Variants in KCNQ1 observed in about 807,000 individuals in gnomAD.
The protein encoded by KCNQ1 is potassium voltage-gated channel subfamily Q member 1, also known as potassium voltage-gated channel subfamily KQT member 1.
Under a neutral mutation model 72.4 loss-of-function variants are expected in KCNQ1, and 49 were observed. That is an observed-to-expected ratio of 0.68 (90% CI 0.54 to 0.86). KCNQ1 has a LOEUF of 0.86. KCNQ1 is among the 40% of genes least tolerant of loss of function. KCNQ1 has a pLI of 0.00. For missense variants in KCNQ1, 790 were observed against 945.1 expected, an observed-to-expected ratio of 0.84 and a Z score of 2.15; for synonymous variants, 450 against 412.6, an observed-to-expected ratio of 1.09 and a Z score of -1.10.
Position 2,637,036 on chromosome 11 carries a change from C to T in KCNQ1, c.1394-24925C>T, listed in dbSNP as rs1849481770. The T allele has an allele frequency of 2.6e-5, 4 of 152,222 alleles. 1 individual carries two copies. The East Asian group carries it at 7.7e-4, about 29-fold the overall frequency. 9.4% of individuals were successfully genotyped at this position (152,222 alleles called of 1,614,324 possible). ...TCTGTGGGATCGGTGGTGATATCCCCTTTATCATTTTTTATTGCATCTATT... is the reference window on the plus strand; with the variant it reads ...TCTGTGGGATCGGTGGTGATATCCCTTTTATCATTTTTTATTGCATCTATT... On this transcript the variant is annotated intron_variant, in intron 10 of 15. Coordinates refer to ENST00000155840, the MANE Select transcript of KCNQ1 (RefSeq NM_000218.3).
intron 15 of KCNQ1, among the ~76,000 whole-genome samples, chr11:2,846,403 G>A (rs1440868330): frequency 6.6e-6 from 1 of 152,172 alleles, no homozygotes; most frequent in Admixed American, 6.5e-5. Context: ...CCACGGTGGG[G>A]GAGGGTCTAC....
rs184516288 is a variant in KCNQ1, at chr11:2,571,423, T to A, written c.683+20T>A. On this transcript the variant is annotated intron_variant, in intron 4 of 15. Transcript: ENST00000155840. The stretch of plus-strand genomic sequence containing the variant: ...CATCAGGTGCGTCTGTGCCACAAGC[T>A]CCCCCCGCCATGCCGCCCCACCCCG... 6.4e-7 allele frequency: 1 copy of A among 1,573,152 alleles called. No homozygotes were observed. The highest frequency in any genetic ancestry group is 1.4e-5 in the African/African-American group (1 of 73,692).
intron 1 of KCNQ1, among the ~76,000 whole-genome samples, chr11:2,506,842 C>T (rs1847113002): frequency 6.6e-6 from 1 of 152,200 alleles, no homozygotes; most frequent in Admixed American, 6.5e-5. Context: ...AATGTTTTCC[C>T]TGTGTCTAAA....
At chr11:2,793,190 G>T (rs1590091393) in intron 15 of KCNQ1, among the ~76,000 whole-genome samples, 2 of 152,216 alleles carry the variant, frequency 1.3e-5, no homozygotes, top group African/African-American at 4.8e-5. Context: ...GGGTGCACCC[G>T]ACAAACACAA....
intron 1 of KCNQ1, among the ~76,000 whole-genome samples, chr11:2,510,421 A>G (rs1256700387): frequency 1.3e-5 from 2 of 152,170 alleles, no homozygotes; most frequent in Non-Finnish European, 2.9e-5. Flanking sequence ...TGCCTGGGCA[A>G]CATGGTGAAA....
At position 2,711,562 on chromosome 11, in the gene KCNQ1, C is replaced by A. The variant is rs1851007227; in HGVS notation, c.1514+49481C>A. 6.6e-6 allele frequency among the ~76,000 whole-genome samples: 1 copy of A among 152,088 alleles called. No homozygotes were observed. On this transcript the variant is annotated intron_variant, in intron 11 of 15. Coordinates refer to ENST00000155840, the MANE Select transcript of KCNQ1 (RefSeq NM_000218.3). The surrounding 1 kb of genome is among the most constrained non-coding windows in gnomAD (Gnocchi z 5.4). Reference sequence around the variant, plus strand: ...CTGCCCAGAACGGGGCTCTCGGAGGCCAGGGTGACTCCACTATCCCACCAA... The same window carrying A: ...CTGCCCAGAACGGGGCTCTCGGAGGACAGGGTGACTCCACTATCCCACCAA...
chr11:2,601,673 G>A lies in KCNQ1; in HGVS notation c.1393+12819G>A, dbSNP rs992049581. ...ACGTAAATGGAATCACACAATACAC[G>A]ATATCTTAGAAACGGGGTCTTTTGG... On this transcript the variant is annotated intron_variant, in intron 10 of 15. Coordinates refer to ENST00000155840, the MANE Select transcript of KCNQ1 (RefSeq NM_000218.3). The surrounding 1 kb of genome is among the most constrained non-coding windows in gnomAD (Gnocchi z 5.2). Among the ~76,000 whole-genome samples, 3 of 152,168 alleles carry A rather than the reference G, an allele frequency of 2.0e-5. No homozygotes were observed. The highest frequency in any genetic ancestry group is 2.9e-5 in the Non-Finnish European group (2 of 68,032).
intron 11 of KCNQ1, among the ~76,000 whole-genome samples, chr11:2,756,441 T>TAAAAAAAAAAAA (rs59499292): frequency 4.4e-5 from 6 of 137,234 alleles, no homozygotes; most frequent in African/African-American, 5.3e-5. Flanking sequence ...TTACTAAAAT[T>TAAAAAAAAAAAA]AAAAAAAAAA....
rs1247678722 is a variant in KCNQ1 at position 2,491,645 on chromosome 11, T to C, written c.387-36283T>C. Among the ~76,000 whole-genome samples the C allele has an allele frequency of 6.6e-6, 1 of 151,876 alleles. No homozygotes were observed. The highest frequency in any genetic ancestry group is 1.5e-5 in the Non-Finnish European group (1 of 67,980). On this transcript the variant is annotated intron_variant, in intron 1 of 15. Transcript: ENST00000155840. The surrounding 1 kb of genome is among the most constrained non-coding windows in gnomAD (Gnocchi z 4.1). ...GAGGAGGTAGAGAAAGAGATAGGGG[T>C]AGAAAGCTTATTCAAAGGGATACTA...
intron 7 of KCNQ1, among the ~76,000 whole-genome samples, chr11:2,584,545 T>TTGTGTTTG (rs1848561678): frequency 1.6e-5 from 2 of 125,016 alleles, no homozygotes; most frequent in African/African-American, 6.4e-5. Flanking sequence ...TAGTATGTGT[T>TTGTGTTTG]TGTGTTAGTG....
chr11:2,474,649 G>A (rs953849052), intron 1 of KCNQ1, among the ~76,000 whole-genome samples: 3 of 151,764 alleles, frequency 2.0e-5, no homozygotes, highest in South Asian at 2.1e-4. Flanking sequence ...AGGCCCTTGC[G>A]TCAGAGTGTT....
chr11:2,493,528 A>G lies in KCNQ1; in HGVS notation c.387-34400A>G, dbSNP rs1006561096. ...AATCATCTTGAGTTAATTTTTATAT[A>G]AGTTGTAAGGAAGGGGTCCAGTTTC... On this transcript the variant is annotated intron_variant, in intron 1 of 15. Transcript: ENST00000155840. The surrounding 1 kb of genome is among the most constrained non-coding windows in gnomAD (Gnocchi z 5.3). Among the ~76,000 whole-genome samples, 1 of 152,162 alleles carries G rather than the reference A, an allele frequency of 6.6e-6. No homozygotes were observed. The highest frequency in any genetic ancestry group is 2.4e-5 in the African/African-American group (1 of 41,438).
intron 10 of KCNQ1, chr11:2,660,963 C>G (rs770401126): frequency 1.0e-5 from 4 of 398,510 alleles, no homozygotes; most frequent in African/African-American, 8.2e-5. Context: ...TGTGGCCAAT[C>G]TAAACTGTGG....
At position 2,697,913 on chromosome 11, in the gene KCNQ1, C is replaced by G. The variant is rs190428849; in HGVS notation, c.1514+35832C>G. The G allele has an allele frequency of 5.2e-4, 209 of 398,536 alleles. 1 individual carries two copies. Among genetic ancestry groups the G allele is most frequent in the African/African-American group, 3.8e-3 (186 of 48,714 alleles). The allele number at this position is 398,536 out of a possible 1,614,324, so 24.7% of individuals were successfully genotyped here. A position where few individuals can be genotyped will look rare whatever the true frequency, so the allele number is the denominator to read the frequency against. ...CTGGAGCATAAATCCTGAAACAGAC[C>G]CACTTTTCTCCTCAGCATGTTAGGA... On this transcript the variant is annotated intron_variant, in intron 11 of 15. Transcript: ENST00000155840.
At chr11:2,650,313 T>C (rs1348723455) in intron 10 of KCNQ1, 1 of 398,508 alleles carries the variant, frequency 2.5e-6, no homozygotes, top group African/African-American at 2.1e-5. Context: ...AAGTCATGTT[T>C]TCTTGTTTTT....
In KCNQ1 at chr11:2,547,685, G is replaced by A. The variant is rs1297450002; in HGVS notation, c.477+19667G>A. On this transcript the variant is annotated intron_variant, in intron 2 of 15. Coordinates refer to ENST00000155840, the MANE Select transcript of KCNQ1 (RefSeq NM_000218.3). This position sits in a 1 kb window ranked among gnomAD's most constrained non-coding sequence, Gnocchi z 4.2. ...GTGCCTATACCACAAACAATAAGCTGACTCCATTTCCATCTTTTATAAGTT... is the reference window on the plus strand; with the variant it reads ...GTGCCTATACCACAAACAATAAGCTAACTCCATTTCCATCTTTTATAAGTT... Among the ~76,000 whole-genome samples the A allele has an allele frequency of 2.6e-5, 4 of 152,162 alleles. No homozygotes were observed. The highest frequency in any genetic ancestry group is 5.9e-5 in the Non-Finnish European group (4 of 68,042).
At position 2,777,064 on chromosome 11, in the gene KCNQ1, G is replaced by A. The variant is rs1308129240; in HGVS notation, c.1732+32G>A. 21 of 1,611,326 alleles carry A rather than the reference G, an allele frequency of 1.3e-5. No homozygotes were observed. The South Asian group carries it at 2.0e-4, about 15-fold the overall frequency. Reference sequence around the variant, plus strand: ...TTCTGTGTCAGTTACTCTGGGCCCAGCAGCCTGCAATGGACTCTCCCGCAC... The same window carrying A: ...TTCTGTGTCAGTTACTCTGGGCCCAACAGCCTGCAATGGACTCTCCCGCAC... On this transcript the variant is annotated intron_variant, in intron 14 of 15. Coordinates refer to ENST00000155840, the MANE Select transcript of KCNQ1 (RefSeq NM_000218.3).
intron 2 of KCNQ1, among the ~76,000 whole-genome samples, chr11:2,561,227 A>G (rs1237117967): frequency 6.6e-6 from 1 of 151,906 alleles, no homozygotes; most frequent in Non-Finnish European, 1.5e-5. Context: ...AAAAAAAGAA[A>G]AAAAAGGAAC....
At position 2,653,987 on chromosome 11, in the gene KCNQ1, G is replaced by T; in HGVS notation, c.1394-7974G>T. ...CTCAAGCAAGGTATTTTCCTAAGCGGAACTGGGTGCCAGCTGTGAATATAC... is the reference window on the plus strand; with the variant it reads ...CTCAAGCAAGGTATTTTCCTAAGCGTAACTGGGTGCCAGCTGTGAATATAC... On this transcript the variant is annotated intron_variant, in intron 10 of 15. Coordinates refer to ENST00000155840, the MANE Select transcript of KCNQ1 (RefSeq NM_000218.3). The surrounding 1 kb of genome is among the most constrained non-coding windows in gnomAD (Gnocchi z 5.3). 2.5e-6 allele frequency: 1 copy of T among 398,686 alleles called. No homozygotes were observed. Among genetic ancestry groups the T allele is most frequent in the South Asian group, 1.3e-4 (1 of 7,852 alleles). 24.7% of individuals were successfully genotyped at this position (398,686 alleles called of 1,614,324 possible). A position where few individuals can be genotyped will look rare whatever the true frequency, so the allele number is the denominator to read the frequency against.
Sources: allele counts gnomAD v4.1 joint callset (sites outside exome capture counted in the v4.1 genomes callset), GRCh38; gene constraint gnomAD v4.1.1; non-coding constraint Gnocchi (gnomAD v3.1); transcripts MANE v1.5; gene names NCBI Gene and HGNC (gene_info 2026-07-23, HGNC 2026-07-21).